CRMP1: variants seen among roughly 807,000 people sequenced by gnomAD.
The protein encoded by CRMP1 is dihydropyrimidinase-related protein 1.
Under a neutral mutation model 68.3 loss-of-function variants are expected in CRMP1, and 19 were observed. The observed-to-expected ratio is 0.28, with a 90% CI of 0.19 to 0.41. The LOEUF (loss-of-function observed/expected upper bound fraction) is 0.41, where lower values mean the gene tolerates loss of function less well. Among genes scored for constraint, CRMP1 ranks in the 10% least tolerant of loss-of-function variants. The pLI, the probability that CRMP1 is intolerant of heterozygous loss-of-function variation, is 1.00. For missense variants in CRMP1, 791 were observed against 967.4 expected (o/e 0.82, Z 2.42); for synonymous variants, 439 against 399.6 (o/e 1.10, Z -1.18).
chr4:5,822,893 G>A (rs770651295), intron 13 of CRMP1, among the ~76,000 whole-genome samples: 2 of 152,124 alleles, frequency 1.3e-5, no homozygotes, highest in African/African-American at 4.8e-5. Context: ...AGCCCTCTTC[G>A]GCACACAGCA....
chr4:5,855,495 T>C lies in CRMP1; in HGVS notation c.820+648A>G, dbSNP rs1416952555. The stretch of plus-strand genomic sequence containing the variant: ...CCCCAGTTCGATGTAACACACACCA[T>C]AAAGGTCTACACTGTGCTGGTGTGA... On this transcript the variant is annotated intron_variant, in intron 4 of 13. Transcript: ENST00000324989. This position sits in a 1 kb window ranked among gnomAD's most constrained non-coding sequence, Gnocchi z 4.9. Among the ~76,000 whole-genome samples the C allele has an allele frequency of 8.5e-5, 13 of 152,112 alleles. No homozygotes were observed. The highest frequency in any genetic ancestry group is 1.8e-4 in the Non-Finnish European group (12 of 67,990).
chr4:5,826,080 C>CCA (rs746200123), intron 12 of CRMP1: 5 of 251,640 alleles, frequency 2.0e-5, no homozygotes, highest in South Asian at 4.5e-5. Context: ...GCATACATGC[C>CCA]CACACACACA....
chr4:5,857,879 G>A (rs944368520), intron 3 of CRMP1, among the ~76,000 whole-genome samples: 1 of 152,012 alleles, frequency 6.6e-6, no homozygotes, highest in South Asian at 2.1e-4. Context: ...GATGAGAAAG[G>A]GGAGCCTGCA....
Position 5,881,489 on chromosome 4 carries a change from TAGC to T in CRMP1, c.381+11097_381+11099del, listed in dbSNP as rs1715217357. 1.3e-5 allele frequency among the ~76,000 whole-genome samples: 2 copies of T among 152,206 alleles called. No homozygotes were observed. The highest frequency in any genetic ancestry group is 4.1e-4 in the South Asian group (2 of 4,836). On this transcript the variant is annotated intron_variant, in intron 1 of 13. Coordinates refer to ENST00000324989, the MANE Select transcript of CRMP1 (RefSeq NM_001014809.3). This position sits in a 1 kb window ranked among gnomAD's most constrained non-coding sequence, Gnocchi z 4.6. Reference sequence around the variant, plus strand: ...ATGCCCTCCCACTGCAGTGTGACTGTAGCTGTCTTACAGGTCTATCATAGCTCT... The same window carrying T: ...ATGCCCTCCCACTGCAGTGTGACTGTTGTCTTACAGGTCTATCATAGCTCT...
rs1005743992 is a variant in CRMP1, at chr4:5,850,848, G to A, written c.882+560C>T. ...CCTGTAAGTCGTAACCACTCCTCCT[G>A]AAGAACAACTTGCGGCTCCATATCC... On this transcript the variant is annotated intron_variant, in intron 5 of 13. Transcript: ENST00000324989. The surrounding 1 kb of genome is among the most constrained non-coding windows in gnomAD (Gnocchi z 4.4). Among the ~76,000 whole-genome samples the A allele has an allele frequency of 6.6e-6, 1 of 152,206 alleles. No individual in the cohort carries two copies. The highest frequency in any genetic ancestry group is 2.4e-5 in the African/African-American group (1 of 41,460).
intron 1 of CRMP1, among the ~76,000 whole-genome samples, chr4:5,875,820 A>C (rs998389966): frequency 4.0e-5 from 6 of 150,452 alleles, no homozygotes; most frequent in African/African-American, 1.5e-4. Context: ...ATCCAACCTT[A>C]TAGTTTCTTA....
chr4:5,856,396 C>T (rs1408501599), intron 3 of CRMP1, 89 bp from the exon 4 acceptor site: 3 of 1,219,506 alleles, frequency 2.5e-6, no homozygotes, highest in Non-Finnish European at 3.5e-6. Flanking sequence ...TCATCACCAT[C>T]ATTACCATCA....
chr4:5,836,946 C>A, intron 9 of CRMP1, 40 bp from the exon 10 acceptor site: 1 of 1,558,338 alleles, frequency 6.4e-7, no homozygotes, highest in African/African-American at 1.4e-5. Flanking sequence ...GACCCTAGTT[C>A]ATTTTGAAGG....
intron 10 of CRMP1, among the ~76,000 whole-genome samples, chr4:5,836,488 T>C (rs1051837791): frequency 3.3e-5 from 5 of 152,238 alleles, no homozygotes; most frequent in Non-Finnish European, 5.9e-5. Context: ...ACAGAGCCAT[T>C]TCCACAGGAA....
At position 5,853,743 on chromosome 4, in the gene CRMP1, G is replaced by A. The variant is rs1712835014; in HGVS notation, c.821-2274C>T. The stretch of plus-strand genomic sequence containing the variant: ...TATAAATGTGGTAAACATACACAAT[G>A]GATGCCTTAGTAAAGAAGGACATCG... On this transcript the variant is annotated intron_variant, in intron 4 of 13. Transcript: ENST00000324989. This position sits in a 1 kb window ranked among gnomAD's most constrained non-coding sequence, Gnocchi z 4.7. Among the ~76,000 whole-genome samples the A allele has an allele frequency of 6.6e-6, 1 of 152,210 alleles. No individual in the cohort carries two copies. The highest frequency in any genetic ancestry group is 1.5e-5 in the Non-Finnish European group (1 of 68,046).
intron 5 of CRMP1, 39 bp from the exon 6 acceptor site, chr4:5,849,511 A>G (rs1165987099): frequency 7.0e-7 from 1 of 1,421,534 alleles, no homozygotes; most frequent in Non-Finnish European, 9.8e-7. Context: ...GAGATTTAAA[A>G]AAAAAAAAAA....
rs1711844241 is a variant in CRMP1, at chr4:5,842,601, C to G, written c.1032+492G>C. Among the ~76,000 whole-genome samples the G allele has an allele frequency of 1.7e-5, 1 of 57,580 alleles. No homozygotes were observed. The highest frequency in any genetic ancestry group is 1.2e-4 in the Admixed American group (1 of 8,210). 37.8% of individuals were successfully genotyped at this position (57,580 alleles called of 152,430 possible). A position where few individuals can be genotyped will look rare whatever the true frequency, so the allele number is the denominator to read the frequency against. On this transcript the variant is annotated intron_variant, in intron 7 of 13. Coordinates refer to ENST00000324989, the MANE Select transcript of CRMP1 (RefSeq NM_001014809.3). The surrounding 1 kb of genome is among the most constrained non-coding windows in gnomAD (Gnocchi z 4.5). ...GCACCCACACTCACACACTCTCTCA[C>G]ACACACACACACACACTCACTCACA...
In CRMP1 at chr4:5,839,564, G is replaced by A. The variant is rs367815553; in HGVS notation, c.1268C>T (p.Pro423Leu). 17 of 1,612,054 alleles carry A rather than the reference G, an allele frequency of 1.1e-5. No individual in the cohort carries two copies. The highest frequency in any genetic ancestry group is 4.4e-5 in the South Asian group (4 of 90,528). ...AAFVTSPPLS[P>L]DPTTPDYLTS... ...CAAGTAGTCGGGCGTGGTAGGGTCC[G>A]GGCTCAGGGGAGGGGAAGTCACGAA... Residue 423 changes from proline (P) to leucine (L), a missense_variant, in exon 9 of 14, where the codon CCG becomes CTG. Pro to Leu is a moderately conservative substitution (Grantham distance 98). Around this residue, in one of 3 missense-constraint regions of CRMP1, gnomAD observed 594 missense variants for 763.6 expected, o/e 0.78. Transcript: ENST00000324989.
rs192421069 is a variant in CRMP1 at position 5,870,642 on chromosome 4, C to T, written c.382-3886G>A. 2.6e-5 allele frequency among the ~76,000 whole-genome samples: 4 copies of T among 152,166 alleles called. No homozygotes were observed. Among genetic ancestry groups the T allele is most frequent in the Admixed American group, 1.3e-4 (2 of 15,282 alleles). On this transcript the variant is annotated intron_variant, in intron 1 of 13. Transcript: ENST00000324989. The surrounding 1 kb of genome is among the most constrained non-coding windows in gnomAD (Gnocchi z 6.0). Reference sequence around the variant, plus strand: ...AGAGAAAGGCATCACAGCTGTGAGCCGAGGAAGACCAGTGTGAAGAGGCAC... The same window carrying T: ...AGAGAAAGGCATCACAGCTGTGAGCTGAGGAAGACCAGTGTGAAGAGGCAC...
intron 1 of CRMP1, among the ~76,000 whole-genome samples, chr4:5,873,526 G>A (rs74928593): frequency 2.6e-5 from 4 of 151,782 alleles, no homozygotes; most frequent in African/African-American, 9.7e-5. Flanking sequence ...GGGGTGGGGG[G>A]TGAGCACCTC....
At chr4:5,844,312 A>G (rs866956412) in intron 6 of CRMP1, among the ~76,000 whole-genome samples, 3 of 132,038 alleles carry the variant, frequency 2.3e-5, no homozygotes, top group Middle Eastern at 3.5e-3. Context: ...AATTGTTTAC[A>G]TGTCAGTTAC....
chr4:5,821,412 A>C lies in CRMP1; in HGVS notation c.*348T>G. 1 of 299,192 alleles carries C rather than the reference A, an allele frequency of 3.3e-6. No individual in the cohort carries two copies. Among genetic ancestry groups the C allele is most frequent in the Non-Finnish European group, 6.4e-6 (1 of 157,030 alleles). 18.5% of individuals were successfully genotyped at this position (299,192 alleles called of 1,614,324 possible). ...GCATCAACTATCCTAGAACATCTAC[A>C]GGGTGCAAAGGAACCACCACTCAGA... On this transcript the variant is annotated 3_prime_UTR_variant, in exon 14 of 14. Transcript: ENST00000324989. The surrounding 1 kb of genome is among the most constrained non-coding windows in gnomAD (Gnocchi z 4.4).
chr4:5,869,761 G>A (rs1316684237), intron 1 of CRMP1, among the ~76,000 whole-genome samples: 1 of 151,916 alleles, frequency 6.6e-6, no homozygotes, highest in East Asian at 1.9e-4. Context: ...TCTGACATCA[G>A]AGCCTAACTC....
chr4:5,840,580 G>A (rs1195163950), intron 8 of CRMP1, among the ~76,000 whole-genome samples: 2 of 152,236 alleles, frequency 1.3e-5, no homozygotes, highest in African/African-American at 4.8e-5. Context: ...CCGGCCACAT[G>A]TGGCTGTTAA....
Sources: allele counts gnomAD v4.1 joint callset (sites outside exome capture counted in the v4.1 genomes callset), GRCh38; gene constraint gnomAD v4.1.1; regional missense constraint gnomAD v4.1.1; non-coding constraint Gnocchi (gnomAD v3.1); transcripts MANE v1.5; gene names NCBI Gene and HGNC (gene_info 2026-07-23, HGNC 2026-07-21).